CCDC183: variants seen among roughly 807,000 people sequenced by gnomAD.
CCDC183 encodes the protein coiled-coil domain-containing protein 183.
CCDC183 carries 63 observed loss-of-function variants against 65.2 expected under a neutral mutation model. The observed-to-expected ratio is 0.97, with a 90% CI of 0.79 to 1.19. The LOEUF (loss-of-function observed/expected upper bound fraction) is 1.19. Ranked by LOEUF, CCDC183 falls within the 50% of genes most tolerant of loss-of-function variation. CCDC183 has a pLI of 0.00. For missense variants in CCDC183, 769 were observed against 689.3 expected, an observed-to-expected ratio of 1.12 and a Z score of -1.30; for synonymous variants, 323 against 276.5, an observed-to-expected ratio of 1.17 and a Z score of -1.67.
intron 1 of CCDC183, 101 bp downstream of exon 1, chr9:136,796,568 T>C (rs1487066097): frequency 3.7e-6 from 3 of 814,200 alleles, no homozygotes; most frequent in East Asian, 2.7e-5. Flanking sequence ...TTACTGTCTA[T>C]GTAGAAAAGG....
Position 136,805,356 on chromosome 9 carries a change from G to T in CCDC183, c.848-1G>T, listed in dbSNP as rs1847824206. ...ACTGCCCCTCCCCTCTGCTCTGCCA[G>T]TGAGGAGAAAAGAGACCTCCACAGC... On this transcript the variant is annotated splice_acceptor_variant, in intron 8 of 13. Coordinates refer to ENST00000338005, the MANE Select transcript of CCDC183 (RefSeq NM_001039374.5). LOFTEE classifies it high-confidence loss of function. 1.2e-6 allele frequency: 2 copies of T among 1,612,360 alleles called. No individual in the cohort carries two copies. Among genetic ancestry groups the T allele is most frequent in the Non-Finnish European group, 1.7e-6 (2 of 1,179,300 alleles).
chr9:136,804,711 C>T lies in CCDC183; in HGVS notation c.793-51C>T, dbSNP rs1207064802. 2 of 1,612,850 alleles carry T rather than the reference C, an allele frequency of 1.2e-6. No homozygotes were observed. The highest frequency in any genetic ancestry group is 1.3e-5 in the African/African-American group (1 of 74,888). On this transcript the variant is annotated intron_variant, in intron 7 of 13. Transcript: ENST00000338005. The surrounding 1 kb of genome is among the most constrained non-coding windows in gnomAD (Gnocchi z 4.1). ...AGGCTCAGGGCCACCACTCAGGGCC[C>T]ACTCCCTGCCAAGGATGTCTCATCC... is the stretch of plus-strand genomic sequence containing the variant.
intron 4 of CCDC183, 36 bp downstream of exon 4, chr9:136,800,205 C>T: frequency 6.9e-6 from 8 of 1,152,100 alleles, no homozygotes; most frequent in Non-Finnish European, 9.8e-6. Context: ...GGGCGGAGTC[C>T]ACTGGGGCAA....
At chr9:136,807,177 A>C (rs1441484977) in intron 13 of CCDC183, 111 bp downstream of exon 13, 3 of 938,888 alleles carry the variant, frequency 3.2e-6, no homozygotes, top group Non-Finnish European at 5.0e-6. Flanking sequence ...GCGGGGCTAC[A>C]GGGTGCATCA....
chr9:136,807,400 G>A (rs997924808), intron 13 of CCDC183, 172 bp from the exon 14 acceptor site: 50 of 855,580 alleles, frequency 5.8e-5, no homozygotes, highest in Admixed American at 2.1e-4. Context: ...AGGCTAGGCA[G>A]GGCAGCGTGA....
In CCDC183 at chr9:136,804,387, G is replaced by T. The variant is rs1847804733; in HGVS notation, c.667-115G>T. The T allele has an allele frequency of 1.4e-6, 2 of 1,385,252 alleles. No homozygotes were observed. The highest frequency in any genetic ancestry group is 2.6e-4 in the Middle Eastern group (1 of 3,914). 85.8% of individuals were successfully genotyped at this position (1,385,252 alleles called of 1,614,324 possible). A position where few individuals can be genotyped will look rare whatever the true frequency, so the allele number is the denominator to read the frequency against. On this transcript the variant is annotated intron_variant, in intron 6 of 13. Coordinates refer to ENST00000338005, the MANE Select transcript of CCDC183 (RefSeq NM_001039374.5). This position sits in a 1 kb window ranked among gnomAD's most constrained non-coding sequence, Gnocchi z 4.1. ...GAAAAGGGTGTGGCCATTGGCCGGG[G>T]ATGCAGTTCCAAAGTCTAGTAAGGT...
In CCDC183 at chr9:136,807,032, G is replaced by T; in HGVS notation, c.1452G>T (p.Arg484Ser). The T allele has an allele frequency of 6.2e-7, 1 of 1,613,552 alleles. No homozygotes were observed. Among genetic ancestry groups the T allele is most frequent in the South Asian group, 1.1e-5 (1 of 91,062 alleles). Residue 484 changes from arginine to serine, a missense_variant, in exon 13 of 14, where the codon AGG becomes AGT. Physicochemically the swap from Arg to Ser is moderately radical, Grantham distance 110. Coordinates refer to ENST00000338005, the MANE Select transcript of CCDC183 (RefSeq NM_001039374.5). Reference protein sequence around the residue: ...SSTLMEKYNTRISFENREEDM... With the variant: ...SSTLMEKYNTSISFENREEDM... ...CTCTGATGGAGAAGTACAACACCAGGATCAGCTTTGAGAACCGGGAGGAGG... is the reference window on the plus strand; with the variant it reads ...CTCTGATGGAGAAGTACAACACCAGTATCAGCTTTGAGAACCGGGAGGAGG...
Position 136,799,137 on chromosome 9 carries a change from G to C in CCDC183, c.106G>C (p.Glu36Gln), listed in dbSNP as rs776473780. 15 of 1,613,524 alleles carry C rather than the reference G, an allele frequency of 9.3e-6. No homozygotes were observed. Among genetic ancestry groups the C allele is most frequent in the Non-Finnish European group, 1.3e-5 (15 of 1,179,938 alleles). Residue 36 changes from glutamate to glutamine, a missense_variant, in exon 2 of 14, where the codon GAG (glutamate) becomes CAG (glutamine). Glu to Gln is a conservative substitution (Grantham distance 29, BLOSUM62 2). Transcript: ENST00000338005. ...GGCACTCCAGATCCAAGGGGTGAAA[G>C]AGAATATGGACCAGAACAAGGCCAC... ...CRALQIQGVK[E>Q]NMDQNKATLA...
At position 136,807,021 on chromosome 9, in the gene CCDC183, T is replaced by A. The variant is rs776742895; in HGVS notation, c.1441T>A (p.Tyr481Asn). The change falls in exon 13 of 14, where the codon TAC becomes AAC. Residue 481 changes from tyrosine (Y) to asparagine (N), a missense_variant. Coordinates refer to ENST00000338005, the MANE Select transcript of CCDC183 (RefSeq NM_001039374.5). ...GGAGTCCTCGACTCTGATGGAGAAG[T>A]ACAACACCAGGATCAGCTTTGAGAA... ...TLESSTLMEK[Y>N]NTRISFENRE... 1.9e-6 allele frequency: 3 copies of A among 1,613,328 alleles called. No homozygotes were observed. In the Admixed American group the frequency reaches 5.0e-5, roughly 27 times the overall value.
chr9:136,803,982 G>A lies in CCDC183; in HGVS notation c.667-520G>A, dbSNP rs190983827. ...GACTGGAAGGTGCCAGGGCAGAAGCGCTGATCACCTGGGTATACCCGGGGT... is the reference window on the plus strand; with the variant it reads ...GACTGGAAGGTGCCAGGGCAGAAGCACTGATCACCTGGGTATACCCGGGGT... On this transcript the variant is annotated intron_variant, in intron 6 of 13. Transcript: ENST00000338005. The A allele has an allele frequency of 2.3e-4, 37 of 163,840 alleles. 1 individual carries two copies. The Middle Eastern group carries it at 9.3e-3, about 41-fold the overall frequency. 10.1% of individuals were successfully genotyped at this position (163,840 alleles called of 1,614,324 possible).
chr9:136,796,592 C>T, intron 1 of CCDC183, 125 bp downstream of exon 1: 1 of 723,312 alleles, frequency 1.4e-6, no homozygotes, highest in African/African-American at 1.8e-5. Context: ...ACATAAGAAA[C>T]TCCATTTTGA....
intron 11 of CCDC183, 42 bp from the exon 12 acceptor site, chr9:136,806,715 G>A (rs1189590481): frequency 1.2e-6 from 2 of 1,613,392 alleles, no homozygotes; most frequent in South Asian, 2.2e-5. Context: ...AGGTCCCTGG[G>A]CAGGGCCAGA....
At chr9:136,796,965 G>GGAA (rs1469984625) in intron 1 of CCDC183, among the ~76,000 whole-genome samples, 2 of 151,922 alleles carry the variant, frequency 1.3e-5, no homozygotes, top group South Asian at 2.1e-4. Flanking sequence ...TCTGTGCTGA[G>GGAA]GAGTAGTGAA....
Position 136,799,760 on chromosome 9 carries a change from G to C in CCDC183, c.240G>C (p.Leu80Phe). 6.2e-7 allele frequency: 1 copy of C among 1,613,240 alleles called. No homozygotes were observed. Among genetic ancestry groups the C allele is most frequent in the Non-Finnish European group, 8.5e-7 (1 of 1,179,944 alleles). Residue 80 changes from leucine to phenylalanine, a missense_variant, in exon 3 of 14, where the codon TTG becomes TTC. Coordinates refer to ENST00000338005, the MANE Select transcript of CCDC183 (RefSeq NM_001039374.5). Reference sequence around the variant, plus strand: ...AGGCCTGCGGGAAAAACTTGCCTTTGCGACTGGCGCACTGCCGCAGCACCA... The same window carrying C: ...AGGCCTGCGGGAAAAACTTGCCTTTCCGACTGGCGCACTGCCGCAGCACCA... Reference protein sequence around the residue: ...ISKACGKNLPLRLAHCRSTME... With the variant: ...ISKACGKNLPFRLAHCRSTME...
chr9:136,807,477 G>T (rs1427561080), intron 13 of CCDC183, 95 bp from the exon 14 acceptor site: 3 of 1,428,118 alleles, frequency 2.1e-6, no homozygotes, highest in Non-Finnish European at 1.9e-6. Context: ...CAAGGCACCT[G>T]GCCCGGGTCG....
At chr9:136,801,890 C>T (rs780956743) in intron 5 of CCDC183, among the ~76,000 whole-genome samples, 23 of 151,944 alleles carry the variant, frequency 1.5e-4, no homozygotes, top group African/African-American at 4.6e-4. Flanking sequence ...CGGGTTCAAG[C>T]GATTCTCCTG....
At chr9:136,803,204 GGCCC>G in intron 6 of CCDC183, among the ~76,000 whole-genome samples, 2 of 41,314 alleles carry the variant, frequency 4.8e-5, no homozygotes, top group Non-Finnish European at 5.7e-5. Flanking sequence ...GTGAGCTCAG[GGCCC>G]AGGGCTGGGG....
rs558564967 is a variant in CCDC183 at position 136,805,606 on chromosome 9, G to C, written c.948+149G>C. 5 of 642,304 alleles carry C rather than the reference G, an allele frequency of 7.8e-6. No homozygotes were observed. The African/African-American group carries it at 9.1e-5, about 12-fold the overall frequency. 39.8% of individuals were successfully genotyped at this position (642,304 alleles called of 1,614,324 possible). ...CACTCTGAAATGGACACACAAAGTG[G>C]CAACTCCCTCGGCCGCCCCAAATCC... On this transcript the variant is annotated intron_variant, in intron 9 of 13. Transcript: ENST00000338005.
Position 136,800,018 on chromosome 9 carries a change from TGC to T in CCDC183, c.290_291del (p.Arg97GlnfsTer92), listed in dbSNP as rs1847712033. On this transcript the variant is annotated frameshift_variant, in exon 4 of 14. Transcript: ENST00000338005. LOFTEE classifies it high-confidence loss of function. Reference sequence around the variant, plus strand: ...CCGACCCAGGTGGTGCGGGAGAAGCTGCGCAAGTACGTCTTCGACCGCGTGAA... The same window carrying T: ...CCGACCCAGGTGGTGCGGGAGAAGCTGCAAGTACGTCTTCGACCGCGTGAA... 2.5e-6 allele frequency: 4 copies of T among 1,590,236 alleles called. No individual in the cohort carries two copies. Among genetic ancestry groups the T allele is most frequent in the Non-Finnish European group, 3.4e-6 (4 of 1,169,292 alleles).
Sources: gnomAD v4.1 joint callset for allele counts (sites outside exome capture counted in the v4.1 genomes callset) on GRCh38, gnomAD v4.1.1 for gene constraint, Gnocchi (gnomAD v3.1) non-coding constraint, MANE v1.5 for transcripts, NCBI Gene and HGNC (gene_info 2026-07-23, HGNC 2026-07-21) for gene names.